Variants in ZFPM2 observed in about 807,000 individuals in gnomAD.
The protein encoded by ZFPM2 is zinc finger protein, FOG family member 2, also known as zinc finger protein ZFPM2.
In ZFPM2, 20 loss-of-function variants were observed where a neutral mutation model predicts 98.6. The observed-to-expected ratio is 0.20, with a 90% confidence interval of 0.14 to 0.29. The LOEUF is 0.29. ZFPM2 is among the 10% of genes least tolerant of loss of function. ZFPM2 has a pLI of 1.00. For synonymous variants in ZFPM2, 518 were observed against 502.7 expected (o/e 1.03, Z -0.41); for missense variants, 1,310 against 1,388.6 (o/e 0.94, Z 0.90).
At chr8:105,511,429 G>A (rs1406206644) in intron 3 of ZFPM2, among the ~76,000 whole-genome samples, 2 of 152,218 alleles carry the variant, frequency 1.3e-5, no homozygotes, top group Non-Finnish European at 2.9e-5. Flanking sequence ...GTTGGGAAGT[G>A]GGTGTGCATT....
At chr8:105,665,341 T>G (rs948952505) in intron 5 of ZFPM2, among the ~76,000 whole-genome samples, 6 of 152,194 alleles carry the variant, frequency 3.9e-5, no homozygotes, top group Non-Finnish European at 8.8e-5. Context: ...ATACTCAAAC[T>G]GTAGCATCTA....
intron 1 of ZFPM2, among the ~76,000 whole-genome samples, chr8:105,392,572 T>G (rs1811130768): frequency 6.6e-6 from 1 of 152,148 alleles, no homozygotes; most frequent in Non-Finnish European, 1.5e-5. Flanking sequence ...CCAAAACACT[T>G]TTCTGAGTAT....
At chr8:105,713,315 T>C (rs1811446173) in intron 5 of ZFPM2, among the ~76,000 whole-genome samples, 1 of 152,114 alleles carries the variant, frequency 6.6e-6, no homozygotes, top group African/African-American at 2.4e-5. Flanking sequence ...TGGCTGTTTG[T>C]ATTTCTTCTT....
intron 3 of ZFPM2, among the ~76,000 whole-genome samples, chr8:105,524,772 A>G (rs1438159691): frequency 6.6e-6 from 1 of 152,090 alleles, no homozygotes; most frequent in African/African-American, 2.4e-5. Context: ...TTGCCTAGAA[A>G]CTTTGGCTGC....
chr8:105,551,567 T>C (rs1318141378), intron 3 of ZFPM2, among the ~76,000 whole-genome samples: 1 of 152,194 alleles, frequency 6.6e-6, no homozygotes, highest in Non-Finnish European at 1.5e-5. Context: ...CACAGTGTAG[T>C]ATGAGCTCCC....
intron 5 of ZFPM2, among the ~76,000 whole-genome samples, chr8:105,722,128 G>A (rs1379856189): frequency 1.3e-5 from 2 of 151,354 alleles, no homozygotes; most frequent in Non-Finnish European, 3.0e-5. Context: ...TTATATTAAT[G>A]GACAGCTTTG....
At chr8:105,768,574 G>A (rs1267427367) in intron 5 of ZFPM2, among the ~76,000 whole-genome samples, 1 of 151,866 alleles carries the variant, frequency 6.6e-6, no homozygotes, top group African/African-American at 2.4e-5. Context: ...CTGCTGACTT[G>A]ATTCTGTTAT....
rs1810583847 is a variant in ZFPM2, at chr8:105,680,860, T to A, written c.532+46503T>A. 5.9e-5 allele frequency among the ~76,000 whole-genome samples: 9 copies of A among 152,240 alleles called. No individual in the cohort carries two copies. In the South Asian group the frequency reaches 1.9e-3, roughly 32 times the overall value. ...AACATGAAAGTAAAAATTATTCCAT[T>A]TATTCGTTGAAGTTGTTTATTGACT... On this transcript the variant is annotated intron_variant, in intron 5 of 7. Transcript: ENST00000407775.
intron 5 of ZFPM2, among the ~76,000 whole-genome samples, chr8:105,677,288 A>G (rs1008505973): frequency 5.3e-5 from 8 of 151,930 alleles, no homozygotes; most frequent in Non-Finnish European, 1.0e-4. Flanking sequence ...ATGCTATGCT[A>G]AGTACTTTAC....
chr8:105,673,099 G>A (rs539951855), intron 5 of ZFPM2, among the ~76,000 whole-genome samples: 3 of 151,554 alleles, frequency 2.0e-5, no homozygotes, highest in Non-Finnish European at 2.9e-5. Flanking sequence ...AGAAGTGAAC[G>A]AGAGATTGGA....
At chr8:105,482,991 A>ATGCTT (rs1813152325) in intron 3 of ZFPM2, among the ~76,000 whole-genome samples, 1 of 7,910 alleles carries the variant, frequency 1.3e-4, no homozygotes, top group Non-Finnish European at 2.4e-4. Context: ...CCCTCCCCCC[A>ATGCTT]TCCTTTCCTT....
intron 5 of ZFPM2, among the ~76,000 whole-genome samples, chr8:105,778,804 A>G (rs1813171262): frequency 6.6e-6 from 1 of 152,168 alleles, no homozygotes; most frequent in African/African-American, 2.4e-5. Flanking sequence ...TCCGTTATGC[A>G]TAATTACTTT....
At chr8:105,523,717 T>C (rs1200594820) in intron 3 of ZFPM2, among the ~76,000 whole-genome samples, 1 of 152,192 alleles carries the variant, frequency 6.6e-6, no homozygotes, top group African/African-American at 2.4e-5. Flanking sequence ...CAAGGAGCTG[T>C]GACACTAAAA....
chr8:105,435,607 A>G (rs1384532714), intron 2 of ZFPM2, among the ~76,000 whole-genome samples: 3 of 151,970 alleles, frequency 2.0e-5, no homozygotes, highest in African/African-American at 2.4e-5. Flanking sequence ...ATTCATTCCA[A>G]TTTTCCTAAG....
chr8:105,354,171 G>A (rs1812698432), intron 1 of ZFPM2, among the ~76,000 whole-genome samples: 2 of 152,198 alleles, frequency 1.3e-5, no homozygotes, highest in Admixed American at 6.5e-5. Flanking sequence ...ATACAAACCA[G>A]TGAAATTGTT....
At chr8:105,333,565 A>G (rs192931319) in intron 1 of ZFPM2, among the ~76,000 whole-genome samples, 29 of 151,870 alleles carry the variant, frequency 1.9e-4, no homozygotes, top group African/African-American at 7.0e-4. Context: ...TATAGCAATT[A>G]AAATTGCACA....
At chr8:105,527,252 T>G (rs997790424) in intron 3 of ZFPM2, among the ~76,000 whole-genome samples, 4 of 152,272 alleles carry the variant, frequency 2.6e-5, no homozygotes, top group Admixed American at 2.6e-4. Flanking sequence ...ATCTGTGAAC[T>G]CTCAAGTGTT....
intron 4 of ZFPM2, among the ~76,000 whole-genome samples, chr8:105,568,064 T>C (rs1815276867): frequency 6.6e-6 from 1 of 152,124 alleles, no homozygotes; most frequent in African/African-American, 2.4e-5. Context: ...AAAACACTTC[T>C]GGCCTTTCTT....
intron 4 of ZFPM2, among the ~76,000 whole-genome samples, chr8:105,585,735 A>C (rs1815697355): frequency 6.6e-6 from 1 of 152,148 alleles, no homozygotes; most frequent in South Asian, 2.1e-4. Flanking sequence ...AGTACCTAAC[A>C]TGTGGGAGGA....
Sources: gnomAD v4.1 joint callset for allele counts (sites outside exome capture counted in the v4.1 genomes callset) on GRCh38, gnomAD v4.1.1 for gene constraint, MANE v1.5 for transcripts, NCBI Gene and HGNC (gene_info 2026-07-23, HGNC 2026-07-21) for gene names.